The following LRRC20 variants were observed in gnomAD, a reference collection of about 807,000 sequenced individuals.
LRRC20 encodes leucine rich repeat containing 20.
In LRRC20, 11 loss-of-function variants were observed where a neutral mutation model predicts 14.4. The observed-to-expected ratio is 0.77, with a 90% CI of 0.48 to 1.27. The LOEUF is 1.27. Among genes scored for constraint, LRRC20 ranks in the 50% most tolerant of loss-of-function variants. LRRC20 has a pLI of 0.00. For synonymous variants in LRRC20, 121 were observed against 107.3 expected, an observed-to-expected ratio of 1.13 and a Z score of -0.79; for missense variants, 219 against 251.2, an observed-to-expected ratio of 0.87 and a Z score of 0.87.
In LRRC20 at chr10:70,322,329, C is replaced by T. The variant is rs990664717; in HGVS notation, c.400+1534G>A. Among the ~76,000 whole-genome samples the T allele has an allele frequency of 4.6e-5, 7 of 152,316 alleles. No homozygotes were observed. In the East Asian group the frequency reaches 1.4e-3, roughly 29 times the overall value. ...CAGCTCTGTTCTTGCTCAGTTACTG[C>T]CCCATTTGGATGAGCAGCAGAAGGA... On this transcript the variant is annotated intron_variant, in intron 4 of 4. Coordinates refer to ENST00000446961, the MANE Select transcript of LRRC20 (RefSeq NM_001278212.2).
intron 2 of LRRC20, among the ~76,000 whole-genome samples, chr10:70,374,351 CTTT>C (rs57167315): frequency 3.0e-4 from 40 of 133,146 alleles, no homozygotes; most frequent in Non-Finnish European, 4.1e-4. Context: ...CCTGTGAAGC[CTTT>C]TTTTTTTTTT....
intron 1 of LRRC20, among the ~76,000 whole-genome samples, chr10:70,378,662 C>A (rs375054370): frequency 4.9e-4 from 74 of 151,700 alleles, no homozygotes; most frequent in African/African-American, 1.7e-3. Context: ...TGGCGGGCGC[C>A]TCGGGAAGCT....
intron 4 of LRRC20, among the ~76,000 whole-genome samples, chr10:70,309,193 T>A (rs1424582454): frequency 6.6e-6 from 1 of 152,108 alleles, no homozygotes; most frequent in African/African-American, 2.4e-5. Flanking sequence ...TTTTATTTCA[T>A]GGGGCATCAA....
At chr10:70,305,180 A>G (rs1168708326) in intron 4 of LRRC20, among the ~76,000 whole-genome samples, 1 of 152,172 alleles carries the variant, frequency 6.6e-6, no homozygotes, top group Non-Finnish European at 1.5e-5. Flanking sequence ...GCGAAACTCT[A>G]TCTAAATAAA....
At chr10:70,312,382 A>G (rs936884916) in intron 4 of LRRC20, among the ~76,000 whole-genome samples, 1 of 151,876 alleles carries the variant, frequency 6.6e-6, no homozygotes, top group Non-Finnish European at 1.5e-5. Context: ...CCACACACAC[A>G]CATCTCTCAG....
At chr10:70,335,595 G>GGCCTC (rs1842703967) in intron 3 of LRRC20, among the ~76,000 whole-genome samples, 1 of 152,132 alleles carries the variant, frequency 6.6e-6, no homozygotes, top group Non-Finnish European at 1.5e-5. Flanking sequence ...TTCCTGGCCT[G>GGCCTC]GCCTCACACA....
chr10:70,330,211 A>G (rs975736557), intron 3 of LRRC20, among the ~76,000 whole-genome samples: 1 of 152,140 alleles, frequency 6.6e-6, no homozygotes, highest in Admixed American at 6.5e-5. Flanking sequence ...GTTTGATAGA[A>G]TTCTCCAATG....
chr10:70,353,179 A>T (rs998361085), intron 2 of LRRC20, among the ~76,000 whole-genome samples: 1 of 152,010 alleles, frequency 6.6e-6, no homozygotes, highest in Non-Finnish European at 1.5e-5. Flanking sequence ...CCTCACAACC[A>T]CCCTATAAAT....
chr10:70,360,168 C>A (rs1375549749), intron 2 of LRRC20, among the ~76,000 whole-genome samples: 1 of 152,220 alleles, frequency 6.6e-6, no homozygotes, highest in Admixed American at 6.5e-5. Context: ...CCCGCCTCAG[C>A]CTCCCAAAGT....
intron 3 of LRRC20, among the ~76,000 whole-genome samples, chr10:70,333,535 A>C (rs1250176804): frequency 1.3e-5 from 2 of 152,212 alleles, no homozygotes; most frequent in Admixed American, 1.3e-4. Context: ...GATTCTACTA[A>C]GGATGCTGAA....
intron 2 of LRRC20, among the ~76,000 whole-genome samples, chr10:70,360,534 T>C (rs2137100176): frequency 6.6e-6 from 1 of 152,296 alleles, no homozygotes; most frequent in South Asian, 2.1e-4. Flanking sequence ...CCTCTCAGGC[T>C]CAAGTGATCC....
chr10:70,339,748 C>T (rs138674342), intron 3 of LRRC20, among the ~76,000 whole-genome samples: 180 of 152,296 alleles, frequency 1.2e-3, no homozygotes, highest in African/African-American at 4.0e-3. Flanking sequence ...AGAGCATCTA[C>T]GAGGCTCACC....
At chr10:70,368,506 T>C (rs1465259188) in intron 2 of LRRC20, among the ~76,000 whole-genome samples, 2 of 151,928 alleles carry the variant, frequency 1.3e-5, no homozygotes, top group Non-Finnish European at 2.9e-5. Flanking sequence ...GCCAGGCTGG[T>C]GTTGAACTCC....
At chr10:70,323,151 G>A (rs1267388190) in intron 4 of LRRC20, among the ~76,000 whole-genome samples, 3 of 152,054 alleles carry the variant, frequency 2.0e-5, no homozygotes, top group Non-Finnish European at 2.9e-5. Flanking sequence ...AGGGTGCTGC[G>A]GAGGGGAGGG....
intron 2 of LRRC20, among the ~76,000 whole-genome samples, chr10:70,369,773 T>C (rs113832376): frequency 0.023 from 3,431 of 152,240 alleles, 122 homozygotes; most frequent in African/African-American, 0.078. Context: ...TTTACCACGA[T>C]GCCTGGCATT....
chr10:70,344,559 T>C (rs1318341274), intron 2 of LRRC20, among the ~76,000 whole-genome samples: 1 of 152,068 alleles, frequency 6.6e-6, no homozygotes, highest in Non-Finnish European at 1.5e-5. Flanking sequence ...CACAAAGATA[T>C]TTATTTTCGT....
At chr10:70,334,045 G>T (rs144237450) in intron 3 of LRRC20, among the ~76,000 whole-genome samples, 1 of 152,228 alleles carries the variant, frequency 6.6e-6, no homozygotes, top group African/African-American at 2.4e-5. Context: ...AGCTACTCGG[G>T]AGGCTGAGGC....
intron 2 of LRRC20, among the ~76,000 whole-genome samples, chr10:70,343,741 T>A (rs1045522465): frequency 9.2e-5 from 14 of 152,226 alleles, no homozygotes; most frequent in East Asian, 1.9e-4. Context: ...AAAGAAGTTT[T>A]GTTGGAGTTG....
At chr10:70,367,328 C>CA (rs71472959) in intron 2 of LRRC20, among the ~76,000 whole-genome samples, 3,806 of 117,330 alleles carry the variant, frequency 0.032, 268 homozygotes, top group African/African-American at 0.11. Flanking sequence ...GACCCGGTCT[C>CA]AAAAAAAAAA....
Sources: allele counts gnomAD v4.1 joint callset (sites outside exome capture counted in the v4.1 genomes callset), GRCh38; gene constraint gnomAD v4.1.1; transcripts MANE v1.5; gene names NCBI Gene and HGNC (gene_info 2026-07-23, HGNC 2026-07-21).